RIMS4: variants seen among roughly 807,000 people sequenced by gnomAD.
RIMS4 encodes the protein regulating synaptic membrane exocytosis 4.
In RIMS4, 9 loss-of-function variants were observed where a neutral mutation model predicts 29.0. The observed-to-expected ratio is 0.31, with a 90% CI of 0.19 to 0.54. RIMS4 has a LOEUF of 0.54. Among genes scored for constraint, RIMS4 ranks in the 20% least tolerant of loss-of-function variants. RIMS4 has a pLI of 0.94. For synonymous variants in RIMS4, 130 were observed against 152.9 expected, an observed-to-expected ratio of 0.85 and a Z score of 1.10; for missense variants, 193 against 365.7, an observed-to-expected ratio of 0.53 and a Z score of 3.85.
At chr20:44,758,461 G>A (rs939759922) in intron 2 of RIMS4, among the ~76,000 whole-genome samples, 3 of 152,226 alleles carry the variant, frequency 2.0e-5, no homozygotes, top group Admixed American at 2.0e-4. Context: ...GAATTTTAAT[G>A]CGAGCCCCAG....
rs1417943503 is a variant in RIMS4, at chr20:44,758,067, C to T, written c.349+5G>A. On this transcript the variant is annotated splice_donor_5th_base_variant and intron_variant, in intron 3 of 5. Transcript: ENST00000372851. ...TCCATTTGAAACCAGCCTTGGGGCA[C>T]TCACCCATGGGTGTGGTGGCCAGGG... 1 of 1,594,000 alleles carries T rather than the reference C, an allele frequency of 6.3e-7. No individual in the cohort carries two copies. The highest frequency in any genetic ancestry group is 8.6e-7 in the Non-Finnish European group (1 of 1,168,022).
chr20:44,769,932 T>C (rs2066129534), intron 2 of RIMS4, among the ~76,000 whole-genome samples: 1 of 152,208 alleles, frequency 6.6e-6, no homozygotes, highest in Non-Finnish European at 1.5e-5. Flanking sequence ...GAATTTTCTA[T>C]GATGATGGAA....
At chr20:44,772,521 T>A (rs1457949273) in intron 1 of RIMS4, among the ~76,000 whole-genome samples, 1 of 151,974 alleles carries the variant, frequency 6.6e-6, no homozygotes, top group African/African-American at 2.4e-5. Context: ...TTCACCCCCA[T>A]CCAGTACCCA....
At chr20:44,795,205 A>C (rs1207495359) in intron 1 of RIMS4, among the ~76,000 whole-genome samples, 1 of 152,192 alleles carries the variant, frequency 6.6e-6, no homozygotes, top group Non-Finnish European at 1.5e-5. Context: ...TCTCACCCCT[A>C]CCCTGTAAGG....
chr20:44,775,061 G>A (rs2066153869), intron 1 of RIMS4, among the ~76,000 whole-genome samples: 1 of 152,164 alleles, frequency 6.6e-6, no homozygotes, highest in Non-Finnish European at 1.5e-5. Context: ...CCCGGGCCCT[G>A]AAGCATGGCC....
In RIMS4 at chr20:44,788,490, G is replaced by A. The variant is rs549340085; in HGVS notation, c.98-17077C>T. 2.4e-4 allele frequency among the ~76,000 whole-genome samples: 36 copies of A among 152,304 alleles called. No individual in the cohort carries two copies. In the East Asian group the frequency reaches 6.8e-3, roughly 29 times the overall value. ...GAAGTTGACCATGAAGAGGAGACAG[G>A]AGGTGGGTGCAGTGGTCCATACTTA... On this transcript the variant is annotated intron_variant, in intron 1 of 5. Coordinates refer to ENST00000372851, the MANE Select transcript of RIMS4 (RefSeq NM_182970.4).
chr20:44,806,342 A>G (rs1313960324), intron 1 of RIMS4, among the ~76,000 whole-genome samples: 1 of 152,196 alleles, frequency 6.6e-6, no homozygotes, highest in Non-Finnish European at 1.5e-5. Context: ...CTAGGCCCCA[A>G]GGCAGAGTGT....
chr20:44,792,938 G>A (rs1212263088), intron 1 of RIMS4, among the ~76,000 whole-genome samples: 1 of 152,124 alleles, frequency 6.6e-6, no homozygotes, highest in Non-Finnish European at 1.5e-5. Context: ...CACAAGCAGA[G>A]GTACAGCCTG....
At chr20:44,779,145 T>C (rs1173973935) in intron 1 of RIMS4, among the ~76,000 whole-genome samples, 1 of 152,262 alleles carries the variant, frequency 6.6e-6, no homozygotes, top group Non-Finnish European at 1.5e-5. Flanking sequence ...ATCTTCCATG[T>C]GACCAGCTGC....
At chr20:44,781,143 T>C (rs1053390569) in intron 1 of RIMS4, among the ~76,000 whole-genome samples, 1 of 152,114 alleles carries the variant, frequency 6.6e-6, no homozygotes, top group Non-Finnish European at 1.5e-5. Context: ...ATGAAACAGA[T>C]AAGTAATTAT....
chr20:44,779,496 T>C (rs2066174392), intron 1 of RIMS4, among the ~76,000 whole-genome samples: 1 of 152,206 alleles, frequency 6.6e-6, no homozygotes. Flanking sequence ...AATCACCTAG[T>C]GTATATTCTT....
At chr20:44,761,459 G>A (rs1366133259) in intron 2 of RIMS4, among the ~76,000 whole-genome samples, 1 of 152,148 alleles carries the variant, frequency 6.6e-6, no homozygotes, top group Non-Finnish European at 1.5e-5. Context: ...CTGTGGCACA[G>A]GGCAGGCTGG....
chr20:44,793,056 G>A (rs1291113411), intron 1 of RIMS4, among the ~76,000 whole-genome samples: 1 of 152,116 alleles, frequency 6.6e-6, no homozygotes, highest in Admixed American at 6.5e-5. Flanking sequence ...CCACCAGGAT[G>A]GGGGTAGGGA....
intron 1 of RIMS4, among the ~76,000 whole-genome samples, chr20:44,790,407 T>C (rs1402598705): frequency 1.3e-5 from 2 of 152,090 alleles, no homozygotes; most frequent in Non-Finnish European, 2.9e-5. Flanking sequence ...GGCTACCTCC[T>C]CCCCAGGCTC....
chr20:44,808,353 G>A (rs1324281679), intron 1 of RIMS4, among the ~76,000 whole-genome samples: 1 of 152,146 alleles, frequency 6.6e-6, no homozygotes, highest in East Asian at 1.9e-4. Flanking sequence ...CCTGCAGCCT[G>A]CAATAACCAA....
rs138563907 is a variant in RIMS4, at chr20:44,805,309, GTAAA to G, written c.97+4862_97+4865del. ...CGACAGAGGGAGACCCTGCCTCAAA[GTAAA>G]TAAATAAATAAATAAATAAAGTGGT... On this transcript the variant is annotated intron_variant, in intron 1 of 5. Transcript: ENST00000372851. Among the ~76,000 whole-genome samples the G allele has an allele frequency of 2.4e-4, 37 of 151,840 alleles. 1 individual carries two copies.
intron 1 of RIMS4, among the ~76,000 whole-genome samples, chr20:44,801,588 C>T (rs1415700037): frequency 6.6e-6 from 1 of 152,082 alleles, no homozygotes; most frequent in African/African-American, 2.4e-5. Flanking sequence ...TCTCTCTGGA[C>T]GAAAAAGGAG....
In RIMS4 at chr20:44,789,803, C is replaced by A. The variant is rs138490688; in HGVS notation, c.98-18390G>T. On this transcript the variant is annotated intron_variant, in intron 1 of 5. Coordinates refer to ENST00000372851, the MANE Select transcript of RIMS4 (RefSeq NM_182970.4). ...CTCCTGGCCTCAAGCAATCCTCCTG[C>A]CACCTCAGCTTTCCAAAGTGCCGGG... 8.0e-3 allele frequency among the ~76,000 whole-genome samples: 1,212 copies of A among 152,326 alleles called. 17 individuals are homozygous for A. Among genetic ancestry groups the A allele is most frequent in the African/African-American group, 0.028 (1,164 of 41,564 alleles).
At chr20:44,804,381 T>C (rs1461607289) in intron 1 of RIMS4, among the ~76,000 whole-genome samples, 2 of 152,180 alleles carry the variant, frequency 1.3e-5, no homozygotes, top group African/African-American at 4.8e-5. Context: ...AGCCCAGGTA[T>C]CTTTCCAATA....
Sources: allele counts gnomAD v4.1 joint callset (sites outside exome capture counted in the v4.1 genomes callset), GRCh38; gene constraint gnomAD v4.1.1; transcripts MANE v1.5; gene names NCBI Gene and HGNC (gene_info 2026-07-23, HGNC 2026-07-21).